The following RHOH variants were observed in gnomAD, a reference collection of about 807,000 sequenced individuals.
RHOH encodes rho-related GTP-binding protein RhoH.
RHOH carries 6 observed loss-of-function variants against 13.8 expected under a neutral mutation model. That is an observed-to-expected ratio of 0.44 (90% confidence interval 0.24 to 0.86). The LOEUF (loss-of-function observed/expected upper bound fraction) is 0.86, where lower values mean the gene tolerates loss of function less well. Ranked by LOEUF, RHOH falls within the 40% of genes least tolerant of loss-of-function variation. RHOH has a pLI of 0.24. For synonymous variants in RHOH, 117 were observed against 103.0 expected, an observed-to-expected ratio of 1.14 and a Z score of -0.82; for missense variants, 147 against 244.5, an observed-to-expected ratio of 0.60 and a Z score of 2.66.
Position 40,221,055 on chromosome 4 carries a change from T to A in RHOH, c.-330-21659T>A, listed in dbSNP as rs143605269. ...AACTTGTGTTCTTAGATTATTCCTC[T>A]TTGTTCCTCTTCTCCCTTAGGCAAT... On this transcript the variant is annotated intron_variant, in intron 1 of 2. Coordinates refer to ENST00000381799, the MANE Select transcript of RHOH (RefSeq NM_004310.5). Among the ~76,000 whole-genome samples the A allele has an allele frequency of 4.3e-3, 657 of 152,360 alleles. 6 individuals are homozygous for A. Among genetic ancestry groups the A allele is most frequent in the African/African-American group, 0.015 (626 of 41,586 alleles).
chr4:40,195,353 T>C (rs1019114477), upstream of RHOH, among the ~76,000 whole-genome samples: 16 of 131,318 alleles, frequency 1.2e-4, no homozygotes, highest in African/African-American at 4.5e-4. Context: ...CCTTTCTTTC[T>C]TTTCCTTCCT....
intron 1 of RHOH, among the ~76,000 whole-genome samples, chr4:40,202,255 T>C (rs1277678912): frequency 6.6e-6 from 1 of 152,162 alleles, no homozygotes; most frequent in Non-Finnish European, 1.5e-5. Context: ...CATGGGTTCT[T>C]TTAAAGTCAT....
Position 40,246,002 on chromosome 4 carries a change from C to G in RHOH, c.*2040C>G, listed in dbSNP as rs1445072074. The G allele has an allele frequency of 6.6e-6, 1 of 152,144 alleles. No homozygotes were observed. The allele number at this position is 152,144 out of a possible 1,614,324, so 9.4% of individuals were successfully genotyped here. A position where few individuals can be genotyped will look rare whatever the true frequency, so the allele number is the denominator to read the frequency against. ...TGGCTTGTACTCACCTCTAAGTCAC[C>G]CGCCTCCCTTGATTGGAGAGCCCGT... On this transcript the variant is annotated 3_prime_UTR_variant, in exon 3 of 3. Coordinates refer to ENST00000381799, the MANE Select transcript of RHOH (RefSeq NM_004310.5).
At chr4:40,200,169 G>C (rs111915782) in intron 1 of RHOH, among the ~76,000 whole-genome samples, 2 of 152,196 alleles carry the variant, frequency 1.3e-5, no homozygotes, top group African/African-American at 4.8e-5. Context: ...ATGACCCCAG[G>C]GGGGTGGAAG....
rs1729450468 is a variant in RHOH, at chr4:40,243,093, G to A, written c.-209-85G>A. The A allele has an allele frequency of 3.0e-6, 1 of 332,456 alleles. No individual in the cohort carries two copies. Among genetic ancestry groups the A allele is most frequent in the South Asian group, 6.0e-5 (1 of 16,600 alleles). 20.6% of individuals were successfully genotyped at this position (332,456 alleles called of 1,614,324 possible). A position where few individuals can be genotyped will look rare whatever the true frequency, so the allele number is the denominator to read the frequency against. On this transcript the variant is annotated intron_variant, in intron 2 of 2. Coordinates refer to ENST00000381799, the MANE Select transcript of RHOH (RefSeq NM_004310.5). The surrounding 1 kb of genome is among the most constrained non-coding windows in gnomAD (Gnocchi z 6.2). Reference sequence around the variant, plus strand: ...ACTGAGATTACCCCACATTTAATCAGTTTGCCAATGAGGAAGCCCCTTATC... The same window carrying A: ...ACTGAGATTACCCCACATTTAATCAATTTGCCAATGAGGAAGCCCCTTATC...
At chr4:40,219,455 A>C (rs904607098) in intron 1 of RHOH, among the ~76,000 whole-genome samples, 2 of 151,908 alleles carry the variant, frequency 1.3e-5, no homozygotes, top group Non-Finnish European at 2.9e-5. Context: ...ATACACATAC[A>C]TTCATATATA....
chr4:40,234,001 C>CT (rs1728261534), intron 1 of RHOH, among the ~76,000 whole-genome samples: 1 of 151,918 alleles, frequency 6.6e-6, no homozygotes, highest in African/African-American at 2.4e-5. Context: ...ATTTATGGCC[C>CT]TACAAAACCA....
At chr4:40,235,313 G>C (rs1350188278) in intron 1 of RHOH, 1 of 152,232 alleles carries the variant, frequency 6.6e-6, no homozygotes, top group African/African-American at 2.4e-5. Flanking sequence ...AACTGGGCCG[G>C]ACATGGTGGC....
chr4:40,238,722 G>A (rs1579337159), intron 1 of RHOH, among the ~76,000 whole-genome samples: 1 of 152,214 alleles, frequency 6.6e-6, no homozygotes, highest in African/African-American at 2.4e-5. Context: ...AGCCTGAGAA[G>A]AACGGCCTGG....
intron 1 of RHOH, among the ~76,000 whole-genome samples, chr4:40,222,933 T>C (rs901351364): frequency 2.0e-5 from 3 of 152,178 alleles, no homozygotes; most frequent in African/African-American, 7.2e-5. Context: ...AAGAAGTTGA[T>C]TCCAAGCCTC....
upstream of RHOH, among the ~76,000 whole-genome samples, chr4:40,195,646 A>G (rs969423760): frequency 2.0e-5 from 3 of 151,866 alleles, no homozygotes; most frequent in African/African-American, 7.3e-5. Context: ...GGATCTCACT[A>G]CGTTGCCCAG....
Position 40,244,040 on chromosome 4 carries a change from A to G in RHOH, c.*78A>G, listed in dbSNP as rs1729591451. ...GAGAGGGAGGGCCGGGAAGCCAGGA[A>G]AGCTTGGTGTTTTCTCTGGGTACAC... On this transcript the variant is annotated 3_prime_UTR_variant, in exon 3 of 3. Coordinates refer to ENST00000381799, the MANE Select transcript of RHOH (RefSeq NM_004310.5). 1.2e-5 allele frequency: 15 copies of G among 1,246,848 alleles called. No homozygotes were observed. The East Asian group carries it at 3.7e-4, about 31-fold the overall frequency. The allele number at this position is 1,246,848 out of a possible 1,614,324, so 77.2% of individuals were successfully genotyped here.
chr4:40,200,332 G>T (rs762277804), intron 1 of RHOH: 1 of 152,170 alleles, frequency 6.6e-6, no homozygotes, highest in South Asian at 2.1e-4. Flanking sequence ...ACGATCATGT[G>T]TCTGGTGTCT....
intron 1 of RHOH, among the ~76,000 whole-genome samples, chr4:40,234,530 G>A (rs745899260): frequency 4.6e-5 from 7 of 152,018 alleles, no homozygotes; most frequent in South Asian, 2.1e-4. Context: ...AGGGGACCAC[G>A]GTCCCGGTGT....
At chr4:40,214,210 C>A (rs79725241) in intron 1 of RHOH, among the ~76,000 whole-genome samples, 1,531 of 152,274 alleles carry the variant, frequency 0.01, 27 homozygotes, top group African/African-American at 0.035. Flanking sequence ...CGGAAGGAAG[C>A]TTTCTGATGA....
chr4:40,193,846 T>C (rs1340213016), upstream of RHOH: 1 of 152,206 alleles, frequency 6.6e-6, no homozygotes, highest in Non-Finnish European at 1.5e-5. Context: ...CTTTCCAGGA[T>C]GGGGTGGGAC....
At position 40,243,262 on chromosome 4, in the gene RHOH, G is replaced by A. The variant is rs559642842; in HGVS notation, c.-125G>A. ...TAACATTCTGCAAATCGCCGTCAGA[G>A]GTCCTGAGGACACAGACCTACCTGG... is the stretch of plus-strand genomic sequence containing the variant. On this transcript the variant is annotated 5_prime_UTR_variant, in exon 3 of 3. Coordinates refer to ENST00000381799, the MANE Select transcript of RHOH (RefSeq NM_004310.5). This position sits in a 1 kb window ranked among gnomAD's most constrained non-coding sequence, Gnocchi z 6.2. The A allele has an allele frequency of 6.9e-6, 5 of 728,416 alleles. No individual in the cohort carries two copies. The highest frequency in any genetic ancestry group is 1.1e-5 in the Non-Finnish European group (5 of 451,158). 45.1% of individuals were successfully genotyped at this position (728,416 alleles called of 1,614,324 possible).
At chr4:40,217,820 G>A (rs1726066574) in intron 1 of RHOH, among the ~76,000 whole-genome samples, 1 of 152,208 alleles carries the variant, frequency 6.6e-6, no homozygotes, top group Non-Finnish European at 1.5e-5. Flanking sequence ...ACGGAATTAG[G>A]ATTATGCCTC....
chr4:40,208,877 T>A (rs780736702), intron 1 of RHOH, among the ~76,000 whole-genome samples: 1 of 152,012 alleles, frequency 6.6e-6, no homozygotes, highest in Non-Finnish European at 1.5e-5. Flanking sequence ...ATATAATATT[T>A]GTATTTATAA....
Sources: gnomAD v4.1 joint callset for allele counts (sites outside exome capture counted in the v4.1 genomes callset) on GRCh38, gnomAD v4.1.1 for gene constraint, Gnocchi (gnomAD v3.1) non-coding constraint, MANE v1.5 for transcripts, NCBI Gene and HGNC (gene_info 2026-07-23, HGNC 2026-07-21) for gene names.